DNAH14: variants seen among roughly 807,000 people sequenced by gnomAD.
DNAH14 encodes the protein dynein axonemal heavy chain 14, also known as axonemal beta dynein heavy chain 14.
In DNAH14, 478 loss-of-function variants were observed where a neutral mutation model predicts 520.9. The observed-to-expected ratio is 0.92, with a 90% CI of 0.85 to 0.99. The LOEUF (loss-of-function observed/expected upper bound fraction) is 0.99. Ranked by LOEUF, DNAH14 falls within the 50% of genes least tolerant of loss-of-function variation. The pLI is 0.00. For missense variants in DNAH14, 4,831 were observed against 5,234.5 expected, an observed-to-expected ratio of 0.92 and a Z score of 2.38; for synonymous variants, 1,581 against 1,757.2, an observed-to-expected ratio of 0.90 and a Z score of 2.51.
At chr1:224,964,196 G>A (rs74149423) in intron 4 of DNAH14, among the ~76,000 whole-genome samples, 2,805 of 152,140 alleles carry the variant, frequency 0.018, 97 homozygotes, top group African/African-American at 0.064. Flanking sequence ...AAGAAAAGCC[G>A]TATAACCAGT....
intron 62 of DNAH14, among the ~76,000 whole-genome samples, chr1:225,323,635 G>A (rs1409380144): frequency 2.0e-5 from 3 of 151,514 alleles, no homozygotes; most frequent in Admixed American, 6.6e-5. Flanking sequence ...AGCTAATTTT[G>A]TATTTTTAGT....
intron 8 of DNAH14, among the ~76,000 whole-genome samples, chr1:224,994,637 T>C (rs1246051016): frequency 6.6e-6 from 1 of 152,064 alleles, no homozygotes; most frequent in African/African-American, 2.4e-5. Context: ...TTTAGTCACT[T>C]TTTATTGAAG....
At chr1:225,240,506 C>G in intron 42 of DNAH14, 87 bp from the exon 43 acceptor site, 1 of 804,662 alleles carries the variant, frequency 1.2e-6, no homozygotes, top group South Asian at 2.2e-5. Flanking sequence ...AATAATGAAA[C>G]TTTAACATTA....
At chr1:225,289,800 C>A (rs2093825085) in intron 54 of DNAH14, 85 bp from the exon 55 acceptor site, 1 of 980,492 alleles carries the variant, frequency 1.0e-6, no homozygotes, top group East Asian at 3.2e-5. Flanking sequence ...ATCAAAATTT[C>A]TAGCACAAAT....
chr1:225,354,296 T>C, intron 73 of DNAH14: 1 of 701,146 alleles, frequency 1.4e-6, no homozygotes, highest in East Asian at 2.7e-5. Context: ...AATTCTAGGT[T>C]CTGTATGAGG....
At position 225,119,219 on chromosome 1, in the gene DNAH14, G is replaced by A; in HGVS notation, c.4092-1G>A. The A allele has an allele frequency of 4.6e-6, 7 of 1,514,144 alleles. No individual in the cohort carries two copies. The highest frequency in any genetic ancestry group is 6.2e-6 in the Non-Finnish European group (7 of 1,130,236). The allele number at this position is 1,514,144 out of a possible 1,614,324, so 93.8% of individuals were successfully genotyped here. A position where few individuals can be genotyped will look rare whatever the true frequency, so the allele number is the denominator to read the frequency against. On this transcript the variant is annotated splice_acceptor_variant, in intron 25 of 85. Coordinates refer to ENST00000682510, the MANE Select transcript of DNAH14 (RefSeq NM_001367479.1). LOFTEE classifies it high-confidence loss of function. The stretch of plus-strand genomic sequence containing the variant: ...GATATTATTTTTGAAACTAATTTTA[G>A]GAAAATTCGTGTAAGAAGTGCTGTA...
At chr1:225,003,580 C>T (rs2147814457) in intron 9 of DNAH14, among the ~76,000 whole-genome samples, 1 of 152,062 alleles carries the variant, frequency 6.6e-6, no homozygotes, top group South Asian at 2.1e-4. Context: ...GTAACAAGAT[C>T]AATACTTGTA....
At chr1:225,319,814 T>G (rs2094528699) in intron 61 of DNAH14, among the ~76,000 whole-genome samples, 1 of 152,092 alleles carries the variant, frequency 6.6e-6, no homozygotes, top group African/African-American at 2.4e-5. Flanking sequence ...AATTTGGAAG[T>G]AAGCTAGGCA....
In DNAH14 at chr1:225,195,544, A is replaced by G. The variant is rs1234910077; in HGVS notation, c.5886+2633A>G. Among the ~76,000 whole-genome samples the G allele has an allele frequency of 2.6e-5, 4 of 151,916 alleles. No individual in the cohort carries two copies. In the East Asian group the frequency reaches 5.8e-4, roughly 22 times the overall value. The stretch of plus-strand genomic sequence containing the variant: ...GATGGAGAGGATCAAAAAACTACCT[A>G]TTGGATACTAAGCTTATTACCTGGG... On this transcript the variant is annotated intron_variant, in intron 38 of 85. Transcript: ENST00000682510.
Position 225,232,981 on chromosome 1 carries a change from G to A in DNAH14, c.6518+1830G>A, listed in dbSNP as rs1216830320. Among the ~76,000 whole-genome samples, 1 of 152,078 alleles carries A rather than the reference G, an allele frequency of 6.6e-6. No individual in the cohort carries two copies. The highest frequency in any genetic ancestry group is 6.5e-5 in the Admixed American group (1 of 15,274). On this transcript the variant is annotated intron_variant, in intron 42 of 85. Coordinates refer to ENST00000682510, the MANE Select transcript of DNAH14 (RefSeq NM_001367479.1). The surrounding 1 kb of genome is among the most constrained non-coding windows in gnomAD (Gnocchi z 4.2). ...CTGACCACCACCCCAACAGTCCCCA[G>A]TGTGTGTTGTTCCCCTGCCCATGTG... is the stretch of plus-strand genomic sequence containing the variant.
At chr1:225,133,688 A>G (rs775695512) in intron 27 of DNAH14, among the ~76,000 whole-genome samples, 2 of 152,190 alleles carry the variant, frequency 1.3e-5, no homozygotes, top group African/African-American at 4.8e-5. Context: ...CTTTTTGCTT[A>G]GTATTGACTT....
In DNAH14 at chr1:225,241,181, T is replaced by A. The variant is rs528680531; in HGVS notation, c.6748+359T>A. ...ATTATAGTCTTATATTTCTTTTTTT[T>A]AAAAAAATCCAAATTATTTTATAAA... On this transcript the variant is annotated intron_variant, in intron 43 of 85. Transcript: ENST00000682510. 4.9e-3 allele frequency among the ~76,000 whole-genome samples: 741 copies of A among 151,990 alleles called. 6 individuals carry two copies. The highest frequency in any genetic ancestry group is 0.014 in the African/African-American group (583 of 41,484).
chr1:225,034,412 C>G (rs1306582250), intron 11 of DNAH14, among the ~76,000 whole-genome samples: 1 of 151,972 alleles, frequency 6.6e-6, no homozygotes, highest in Non-Finnish European at 1.5e-5. Flanking sequence ...ATGAAGCCTA[C>G]TTGATCATAG....
chr1:224,995,206 A>G (rs1186096221), intron 8 of DNAH14, among the ~76,000 whole-genome samples: 1 of 152,100 alleles, frequency 6.6e-6, no homozygotes, highest in East Asian at 1.9e-4. Flanking sequence ...TCTCTTTTAC[A>G]ATTCCTGTAA....
Position 225,185,337 on chromosome 1 carries a change from C to T in DNAH14, c.5582C>T (p.Thr1861Ile), listed in dbSNP as rs1019828087. ...MLVGPTGGGK[T>I]TVRRILEKAL... Reference sequence around the variant, plus strand: ...GTGGGCCCAACAGGTGGAGGAAAGACAACAGTCAGAAGAATTTTGGAAAAA... The same window carrying T: ...GTGGGCCCAACAGGTGGAGGAAAGATAACAGTCAGAAGAATTTTGGAAAAA... The change falls in exon 37 of 86, where the codon ACA (threonine) becomes ATA (isoleucine). Residue 1861 changes from threonine to isoleucine, a missense_variant. Transcript: ENST00000682510. 13 of 1,546,836 alleles carry T rather than the reference C, an allele frequency of 8.4e-6. 1 individual carries two copies. In the Admixed American group the frequency reaches 2.6e-4, roughly 31 times the overall value.
At position 225,219,305 on chromosome 1, in the gene DNAH14, A is replaced by G. The variant is rs569192466; in HGVS notation, c.6440-11768A>G. Among the ~76,000 whole-genome samples the G allele has an allele frequency of 7.9e-4, 121 of 152,294 alleles. 3 individuals are homozygous for G. The highest frequency in any genetic ancestry group is 2.8e-3 in the African/African-American group (117 of 41,552). On this transcript the variant is annotated intron_variant, in intron 41 of 85. Coordinates refer to ENST00000682510, the MANE Select transcript of DNAH14 (RefSeq NM_001367479.1). ...TTCAAAGGCTATCAGAAGACAAGAA[A>G]TAACTAAGATCAGAGCAGAACTGAA... is the stretch of plus-strand genomic sequence containing the variant.
At chr1:225,050,693 G>T (rs10495231) in intron 16 of DNAH14, among the ~76,000 whole-genome samples, 1 of 152,104 alleles carries the variant, frequency 6.6e-6, no homozygotes, top group African/African-American at 2.4e-5. Flanking sequence ...ATTTACAAGA[G>T]AATCTAATTG....
At chr1:225,066,984 T>A (rs1053945648) in intron 17 of DNAH14, among the ~76,000 whole-genome samples, 1 of 152,180 alleles carries the variant, frequency 6.6e-6, no homozygotes, top group Admixed American at 6.5e-5. Context: ...TTTTTACTTT[T>A]AAGTTCAGGG....
intron 79 of DNAH14, among the ~76,000 whole-genome samples, chr1:225,379,620 C>T (rs537131102): frequency 5.3e-5 from 8 of 152,090 alleles, no homozygotes; most frequent in Non-Finnish European, 7.4e-5. Flanking sequence ...CTCTGCCTCC[C>T]GGGTTCAAGT....
Sources: gnomAD v4.1 joint callset for allele counts (sites outside exome capture counted in the v4.1 genomes callset) on GRCh38, gnomAD v4.1.1 for gene constraint, Gnocchi (gnomAD v3.1) non-coding constraint, MANE v1.5 for transcripts, NCBI Gene and HGNC (gene_info 2026-07-23, HGNC 2026-07-21) for gene names.